The following ZC3H11A variants were observed in gnomAD, a reference collection of about 807,000 sequenced individuals.
ZC3H11A encodes the protein zinc finger CCCH-type containing 11A, also known as zinc finger CCCH domain-containing protein 11A.
A neutral mutation model predicts 90.8 loss-of-function variants in ZC3H11A; 22 were observed. The ratio of observed to expected loss-of-function variants is 0.24; its 90% CI spans 0.17 to 0.35. ZC3H11A has a LOEUF of 0.35. ZC3H11A is among the 10% of genes least tolerant of loss of function. The pLI is 1.00. For missense variants in ZC3H11A, 701 were observed against 964.9 expected, an observed-to-expected ratio of 0.73 and a Z score of 3.62; for synonymous variants, 294 against 339.8, an observed-to-expected ratio of 0.87 and a Z score of 1.48.
chr1:203,827,494 C>CA (rs1471859993), intron 4 of ZC3H11A, among the ~76,000 whole-genome samples: 1 of 151,664 alleles, frequency 6.6e-6, no homozygotes, highest in African/African-American at 2.4e-5. Context: ...TCCTGGCTAA[C>CA]ATGGTAAAAC....
chr1:203,838,616 G>C (rs138378031), intron 11 of ZC3H11A, among the ~76,000 whole-genome samples: 3 of 152,138 alleles, frequency 2.0e-5, no homozygotes, highest in Non-Finnish European at 4.4e-5. Flanking sequence ...AGCCATGTTA[G>C]AAAGTTTGGA....
At chr1:203,804,233 A>G (rs1571921172) in intron 2 of ZC3H11A, among the ~76,000 whole-genome samples, 1 of 146,564 alleles carries the variant, frequency 6.8e-6, no homozygotes, top group African/African-American at 2.5e-5. Flanking sequence ...TTCACTGCAA[A>G]CTCCGCCTCC....
chr1:203,831,792 A>G, intron 9 of ZC3H11A, 21 bp downstream of exon 9: 1 of 1,577,316 alleles, frequency 6.3e-7, no homozygotes. Context: ...GATAGGTCTT[A>G]GAGTTGTCAA....
chr1:203,822,108 A>T (rs1396265710), intron 4 of ZC3H11A, among the ~76,000 whole-genome samples: 1 of 152,088 alleles, frequency 6.6e-6, no homozygotes, highest in Non-Finnish European at 1.5e-5. Context: ...GTTCATATAG[A>T]TGCTTCCAGT....
At chr1:203,848,286 G>T in intron 13 of ZC3H11A, 45 bp from the exon 14 acceptor site, 2 of 1,489,942 alleles carry the variant, frequency 1.3e-6, no homozygotes, top group Non-Finnish European at 1.8e-6. Flanking sequence ...TCATGAAGTT[G>T]CAGCTTAAAT....
chr1:203,795,980 G>C (rs1351272127), intron 1 of ZC3H11A, 186 bp downstream of exon 1: 2 of 151,092 alleles, frequency 1.3e-5, no homozygotes, highest in East Asian at 3.9e-4. Flanking sequence ...GCCCTCGCCG[G>C]GGCTGGCTGG....
intron 17 of ZC3H11A, among the ~76,000 whole-genome samples, 173 bp from the exon 18 acceptor site, chr1:203,851,968 C>CAAA (rs57160781): frequency 1.5e-4 from 7 of 45,842 alleles, no homozygotes; most frequent in East Asian, 8.2e-4. Context: ...GACTCTGCCT[C>CAAA]AAAAAAAAAA....
chr1:203,805,116 A>C (rs993841805), intron 2 of ZC3H11A, among the ~76,000 whole-genome samples: 1 of 151,638 alleles, frequency 6.6e-6, no homozygotes, highest in Non-Finnish European at 1.5e-5. Context: ...CCACAGAATC[A>C]AAATACCCAC....
intron 12 of ZC3H11A, among the ~76,000 whole-genome samples, chr1:203,845,369 T>C (rs1163455029): frequency 6.6e-6 from 1 of 152,224 alleles, no homozygotes; most frequent in Non-Finnish European, 1.5e-5. Flanking sequence ...ATTGAAAGAA[T>C]TTGTGATTTT....
intron 1 of ZC3H11A, chr1:203,800,312 C>T: frequency 1.1e-6 from 1 of 894,606 alleles, no homozygotes; most frequent in Non-Finnish European, 1.8e-6. Context: ...CAAAACAGAT[C>T]ATGAGCCTGG....
At chr1:203,823,877 A>G (rs945092459) in intron 4 of ZC3H11A, among the ~76,000 whole-genome samples, 6 of 152,198 alleles carry the variant, frequency 3.9e-5, no homozygotes, top group African/African-American at 1.4e-4. Context: ...GTAGCTGTTA[A>G]CAAAAAATTT....
chr1:203,837,576 G>C (rs867303557), intron 10 of ZC3H11A, among the ~76,000 whole-genome samples: 1 of 151,774 alleles, frequency 6.6e-6, no homozygotes, highest in Non-Finnish European at 1.5e-5. Context: ...CTGGGCTCAA[G>C]TGATCCTTCT....
chr1:203,837,934 G>C (rs1219995557), intron 10 of ZC3H11A, 32 bp from the exon 11 acceptor site: 1 of 1,589,798 alleles, frequency 6.3e-7, no homozygotes. Context: ...AGATTGACTT[G>C]AAATCTTAAA....
chr1:203,851,210 T>A, intron 17 of ZC3H11A, 86 bp downstream of exon 17: 1 of 1,200,224 alleles, frequency 8.3e-7, no homozygotes, highest in Non-Finnish European at 1.2e-6. Context: ...TAAATAACTT[T>A]AGCAACATTC....
intron 4 of ZC3H11A, among the ~76,000 whole-genome samples, chr1:203,827,768 G>C (rs1229479813): frequency 6.6e-6 from 1 of 151,966 alleles, no homozygotes; most frequent in Non-Finnish European, 1.5e-5. Flanking sequence ...GAGAATTCAT[G>C]AATGGGAAGA....
chr1:203,807,521 T>G (rs144528754), intron 2 of ZC3H11A, among the ~76,000 whole-genome samples: 24 of 151,856 alleles, frequency 1.6e-4, no homozygotes, highest in African/African-American at 5.5e-4. Flanking sequence ...TTTGTCTTAC[T>G]GTTTTTTTTT....
At chr1:203,845,544 G>A (rs1687653278) in intron 12 of ZC3H11A, among the ~76,000 whole-genome samples, 1 of 152,142 alleles carries the variant, frequency 6.6e-6, no homozygotes, top group African/African-American at 2.4e-5. Context: ...TAAATTGGAG[G>A]GTATCAGGTT....
intron 14 of ZC3H11A, 55 bp from the exon 15 acceptor site, chr1:203,849,656 A>T: frequency 6.5e-7 from 1 of 1,541,298 alleles, no homozygotes. Flanking sequence ...TACTTACATC[A>T]TACAGGTTAT....
At position 203,852,236 on chromosome 1, in the gene ZC3H11A, T is replaced by A; in HGVS notation, c.2270T>A (p.Leu757His). 6.2e-7 allele frequency: 1 copy of A among 1,613,690 alleles called. No individual in the cohort carries two copies. Among genetic ancestry groups the A allele is most frequent in the Non-Finnish European group, 8.5e-7 (1 of 1,179,802 alleles). ...SSQMSMKTRR[L>H]SSASTGKPPL... is the part of the protein sequence containing the mutation. ...CAAATGAGCATGAAAACTCGCCGAC[T>A]CAGCTCTGCCTCAACAGGAAAGCCC... is the stretch of plus-strand genomic sequence containing the variant. Residue 757 changes from leucine to histidine, a missense_variant, in exon 18 of 18, where the codon CTC (leucine) becomes CAC (histidine). Physicochemically the swap from Leu to His is moderately conservative, Grantham distance 99 (BLOSUM62 -3). Around this residue, in one of 4 missense-constraint regions of ZC3H11A, gnomAD observed 91 missense variants for 86.8 expected, o/e 1.05. Transcript: ENST00000367210.
Sources: gnomAD v4.1 joint callset for allele counts (sites outside exome capture counted in the v4.1 genomes callset) on GRCh38, gnomAD v4.1.1 for gene constraint, gnomAD v4.1.1 regional missense constraint, MANE v1.5 for transcripts, NCBI Gene and HGNC (gene_info 2026-07-23, HGNC 2026-07-21) for gene names.